Variants in TBC1D14 observed in about 807,000 individuals in gnomAD.
The protein encoded by TBC1D14 is TBC1 domain family, member 14.
A neutral mutation model predicts 79.0 loss-of-function variants in TBC1D14; 26 were observed. The ratio of observed to expected loss-of-function variants is 0.33; its 90% CI spans 0.24 to 0.46. The LOEUF is 0.46. TBC1D14 is among the 20% of genes least tolerant of loss of function. The pLI is 1.00. For missense variants in TBC1D14, 769 were observed against 887.6 expected, an observed-to-expected ratio of 0.87 and a Z score of 1.70; for synonymous variants, 394 against 349.9, an observed-to-expected ratio of 1.13 and a Z score of -1.40.
chr4:6,973,069 G>A (rs1577104437), intron 3 of TBC1D14, among the ~76,000 whole-genome samples: 2 of 152,314 alleles, frequency 1.3e-5, no homozygotes, highest in East Asian at 1.9e-4. Flanking sequence ...AAAGATAGCC[G>A]CAGGGAGGAT....
intron 3 of TBC1D14, among the ~76,000 whole-genome samples, chr4:6,968,704 A>ACCGCCGGGAGCAGG (rs1715934340): frequency 6.6e-6 from 1 of 152,000 alleles, no homozygotes; most frequent in South Asian, 2.1e-4. Context: ...GAGGAGGCTG[A>ACCGCCGGGAGCAGG]CTGCCGGGAG....
At chr4:6,949,252 G>A (rs1486265930) in intron 2 of TBC1D14, among the ~76,000 whole-genome samples, 1 of 152,136 alleles carries the variant, frequency 6.6e-6, no homozygotes, top group Non-Finnish European at 1.5e-5. Flanking sequence ...TGTTCTGGAA[G>A]GTTGTCTTGG....
chr4:6,919,152 CTT>C (rs879322215), intron 1 of TBC1D14, among the ~76,000 whole-genome samples: 5 of 145,526 alleles, frequency 3.4e-5, no homozygotes, highest in African/African-American at 2.5e-5. Context: ...GTAATTTCAC[CTT>C]TTTTTTTTTT....
intron 11 of TBC1D14, among the ~76,000 whole-genome samples, chr4:7,013,921 T>C (rs1721033220): frequency 6.6e-6 from 1 of 152,182 alleles, no homozygotes. Flanking sequence ...TTTTTCGTTT[T>C]CGTATTTTTA....
intron 2 of TBC1D14, among the ~76,000 whole-genome samples, chr4:6,938,283 T>C (rs1043669243): frequency 2.6e-5 from 4 of 152,168 alleles, no homozygotes; most frequent in African/African-American, 9.7e-5. Context: ...TGCTAGGAGC[T>C]GCATGAGACA....
chr4:7,030,194 C>CT, intron 13 of TBC1D14, 133 bp from the exon 14 acceptor site: 1 of 775,092 alleles, frequency 1.3e-6, no homozygotes, highest in South Asian at 1.5e-5. Flanking sequence ...GTGGAAGACC[C>CT]TGGAGGGTTG....
At chr4:7,026,950 C>T (rs1000152404) in intron 13 of TBC1D14, among the ~76,000 whole-genome samples, 3 of 152,214 alleles carry the variant, frequency 2.0e-5, no homozygotes, top group African/African-American at 7.2e-5. Flanking sequence ...CAGTGGCTCA[C>T]GCCTGTAATC....
At chr4:7,003,921 G>T (rs1347458272) in intron 7 of TBC1D14, among the ~76,000 whole-genome samples, 2 of 137,046 alleles carry the variant, frequency 1.5e-5, no homozygotes, top group African/African-American at 6.6e-5. Flanking sequence ...AGAAAATTGA[G>T]ATTGAATCTG....
At chr4:6,987,645 C>A in intron 3 of TBC1D14, 1 of 360,872 alleles carries the variant, frequency 2.8e-6, no homozygotes, top group Non-Finnish European at 5.0e-6. Context: ...TGAGCGAGCA[C>A]GTCCTTTGAG....
At chr4:7,000,275 C>T (rs1719524105) in intron 6 of TBC1D14, among the ~76,000 whole-genome samples, 1 of 152,156 alleles carries the variant, frequency 6.6e-6, no homozygotes, top group Non-Finnish European at 1.5e-5. Flanking sequence ...GAATGCATTG[C>T]ATGCAGACCC....
upstream of TBC1D14, chr4:6,909,634 G>A (rs1462158851): frequency 5.9e-5 from 9 of 151,832 alleles, no homozygotes; most frequent in East Asian, 1.7e-3. Context: ...CCGGAGGCCC[G>A]CGGCGGGCGG....
chr4:7,014,419 T>C, intron 11 of TBC1D14, 29 bp from the exon 12 acceptor site: 1 of 1,482,512 alleles, frequency 6.7e-7, no homozygotes, highest in Non-Finnish European at 9.4e-7. Context: ...GCAGATAGTT[T>C]CTGAGTAAAT....
rs200174785 is a variant in TBC1D14 at position 6,977,063 on chromosome 4, TCCTCTC to T, written c.843+9660_843+9665del. 8.6e-4 allele frequency among the ~76,000 whole-genome samples: 12 copies of T among 14,028 alleles called. 1 individual carries two copies. Among genetic ancestry groups the T allele is most frequent in the African/African-American group, 1.5e-3 (12 of 7,834 alleles). 9.2% of individuals were successfully genotyped at this position (14,028 alleles called of 152,430 possible). A position where few individuals can be genotyped will look rare whatever the true frequency, so the allele number is the denominator to read the frequency against. Reference sequence around the variant, plus strand: ...TCCCTCTCCCTCCTCTCCCTCTCCCTCCTCTCCCTCTCCCTCTCCCTCTCCCCACTG... The same window carrying T: ...TCCCTCTCCCTCCTCTCCCTCTCCCTCCTCTCCCTCTCCCTCTCCCCACTG... On this transcript the variant is annotated intron_variant, in intron 3 of 13. Transcript: ENST00000409757.
At position 6,930,524 on chromosome 4, in the gene TBC1D14, G is replaced by A. The variant is rs574279344; in HGVS notation, c.722+6413G>A. ...CTAAAAGTCTATGAGGGGGCCAGGCGCAGTGGCTCACGCCTGTAATCCCAG... is the reference window on the plus strand; with the variant it reads ...CTAAAAGTCTATGAGGGGGCCAGGCACAGTGGCTCACGCCTGTAATCCCAG... On this transcript the variant is annotated intron_variant, in intron 2 of 13. Coordinates refer to ENST00000409757, the MANE Select transcript of TBC1D14 (RefSeq NM_020773.3). Among the ~76,000 whole-genome samples, 8 of 152,334 alleles carry A rather than the reference G, an allele frequency of 5.3e-5. No individual in the cohort carries two copies. In the East Asian group the frequency reaches 5.8e-4, roughly 11 times the overall value.
intron 2 of TBC1D14, among the ~76,000 whole-genome samples, chr4:6,939,568 A>T (rs1283415965): frequency 6.6e-6 from 1 of 152,036 alleles, no homozygotes; most frequent in East Asian, 1.9e-4. Context: ...GGTCCTGGGG[A>T]TGTAGTGGTC....
intron 2 of TBC1D14, chr4:6,954,316 C>T (rs1394785306): frequency 1.4e-6 from 1 of 717,528 alleles, no homozygotes; most frequent in South Asian, 1.5e-5. Flanking sequence ...GGCCATCTCC[C>T]CTGCGCTCCT....
At chr4:7,017,315 A>G (rs1038511431) in intron 12 of TBC1D14, among the ~76,000 whole-genome samples, 1 of 152,092 alleles carries the variant, frequency 6.6e-6, no homozygotes, top group African/African-American at 2.4e-5. Flanking sequence ...CAAACAAACA[A>G]AAAATAAAAC....
chr4:7,026,411 C>T (rs1395464120), intron 13 of TBC1D14, among the ~76,000 whole-genome samples: 3 of 152,200 alleles, frequency 2.0e-5, no homozygotes, highest in African/African-American at 7.2e-5. Flanking sequence ...GCTACTAACT[C>T]CTTCCTATCA....
At chr4:7,023,775 C>T (rs73202135) in intron 12 of TBC1D14, among the ~76,000 whole-genome samples, 5,184 of 152,250 alleles carry the variant, frequency 0.034, 125 homozygotes, top group Admixed American at 0.046. Context: ...TGAGAGAGCC[C>T]GTCTCCCGGG....
Sources: allele counts gnomAD v4.1 joint callset (sites outside exome capture counted in the v4.1 genomes callset), GRCh38; gene constraint gnomAD v4.1.1; transcripts MANE v1.5; gene names NCBI Gene and HGNC (gene_info 2026-07-23, HGNC 2026-07-21).